Variants in ANKLE1 observed in about 807,000 individuals in gnomAD.
ANKLE1 encodes the protein structure-specific endonuclease ANKLE1.
A neutral mutation model predicts 56.2 loss-of-function variants in ANKLE1; 59 were observed. The observed-to-expected ratio is 1.05, with a 90% confidence interval of 0.85 to 1.30. The LOEUF is 1.30. Among genes scored for constraint, ANKLE1 ranks in the 50% most tolerant of loss-of-function variants. The pLI is 0.00. For missense variants in ANKLE1, 771 were observed against 816.1 expected, an observed-to-expected ratio of 0.94 and a Z score of 0.67; for synonymous variants, 341 against 352.9, an observed-to-expected ratio of 0.97 and a Z score of 0.38.
chr19:17,283,315 T>G lies in ANKLE1; in HGVS notation c.551T>G (p.Leu184Trp), dbSNP rs2363956. 814,390 of 1,613,080 alleles carry G rather than the reference T, an allele frequency of 0.5. 206,875 individuals carry two copies. Among genetic ancestry groups the G allele is most frequent in the Non-Finnish European group, 0.52 (609,014 of 1,179,734 alleles). The change falls in exon 5 of 9, where the codon TTG becomes TGG. Residue 184 changes from leucine to tryptophan, a missense_variant. Transcript: ENST00000404085. The part of the protein sequence containing the change: ...PCRGDNRDIG[L>W]EADPGPPSLP... ...AGAGGTGACAACAGGGACATTGGCTTGGAGGCTGACCCAGGACCCCCCAGC... is the reference window on the plus strand; with the variant it reads ...AGAGGTGACAACAGGGACATTGGCTGGGAGGCTGACCCAGGACCCCCCAGC...
chr19:17,286,676 G>GTGTGTGTGTGTGTGTGTT lies in ANKLE1; in HGVS notation c.*139_*140insGTTTGTGTGTGTGTGTGT, dbSNP rs2074037576. The GTGTGTGTGTGTGTGTGTT allele has an allele frequency of 1.0e-5, 12 of 1,185,098 alleles. No homozygotes were observed. Among genetic ancestry groups the GTGTGTGTGTGTGTGTGTT allele is most frequent in the Non-Finnish European group, 1.1e-5 (10 of 882,762 alleles). The allele number at this position is 1,185,098 out of a possible 1,614,324, so 73.4% of individuals were successfully genotyped here. ...TGTGTGTGTGTGTGTGTGTGTGTGT[G>GTGTGTGTGTGTGTGTGTT]TGTGTGTGTGTGTGTTTGTGTGTGT... On this transcript the variant is annotated 3_prime_UTR_variant, in exon 9 of 9. Transcript: ENST00000404085.
In ANKLE1 at chr19:17,286,753, A is replaced by T; in HGVS notation, c.*201A>T. ...CAGATCTCCCCCAGGCTGAGAGAGG[A>T]CTTTGTTACAGATGGTACTGCTGGA... On this transcript the variant is annotated 3_prime_UTR_variant, in exon 9 of 9. Transcript: ENST00000404085. 7.0e-7 allele frequency: 1 copy of T among 1,437,738 alleles called. No homozygotes were observed. The highest frequency in any genetic ancestry group is 2.7e-5 in the East Asian group (1 of 37,654). 89.1% of individuals were successfully genotyped at this position (1,437,738 alleles called of 1,614,324 possible).
rs773960105 is a variant in ANKLE1, at chr19:17,286,649, T to G, written c.*97T>G. 144 of 451,480 alleles carry G rather than the reference T, an allele frequency of 3.2e-4. 1 individual carries two copies. The highest frequency in any genetic ancestry group is 9.0e-4 in the Middle Eastern group (2 of 2,216). The allele number at this position is 451,480 out of a possible 1,614,324, so 28.0% of individuals were successfully genotyped here. ...CCCCCATCTCTGGTTTCAGAAGGGG[T>G]GTGTGTGTGTGTGTGTGTGTGTGTG... On this transcript the variant is annotated 3_prime_UTR_variant, in exon 9 of 9. Coordinates refer to ENST00000404085, the MANE Select transcript of ANKLE1 (RefSeq NM_152363.6).
Position 17,282,774 on chromosome 19 carries a change from T to C in ANKLE1, c.321+13T>C. 1 of 1,556,534 alleles carries C rather than the reference T, an allele frequency of 6.4e-7. No homozygotes were observed. Among genetic ancestry groups the C allele is most frequent in the Non-Finnish European group, 8.6e-7 (1 of 1,158,356 alleles). On this transcript the variant is annotated intron_variant, in intron 3 of 8. Transcript: ENST00000404085. ...GCTGCGCGACCAGGTTGGGAGGCAC[T>C]GCGCGGGCAAAGAAAGGCTGGGTGA...
chr19:17,282,387 G>T, intron 2 of ANKLE1, 178 bp downstream of exon 2: 1 of 1,005,838 alleles, frequency 9.9e-7, no homozygotes, highest in Non-Finnish European at 1.4e-6. Context: ...AGGCGCTGGG[G>T]TCCCAGACCG....
intron 2 of ANKLE1, 54 bp from the exon 3 acceptor site, chr19:17,282,602 G>C: frequency 6.7e-7 from 1 of 1,488,814 alleles, no homozygotes; most frequent in Non-Finnish European, 9.0e-7. Flanking sequence ...CGGAGATCGG[G>C]GTTCCTGCCG....
Position 17,282,073 on chromosome 19 carries a change from C to G in ANKLE1, c.79C>G (p.Leu27Val), listed in dbSNP as rs1225767489. 5.2e-6 allele frequency: 8 copies of G among 1,539,752 alleles called. No homozygotes were observed. The highest frequency in any genetic ancestry group is 7.0e-6 in the Non-Finnish European group (8 of 1,146,654). Residue 27 changes from leucine to valine, a missense_variant, in exon 2 of 9, where the codon CTG (leucine) becomes GTG (valine). By Grantham distance (32) the Leu-to-Val change is conservative. Coordinates refer to ENST00000404085, the MANE Select transcript of ANKLE1 (RefSeq NM_152363.6). ...TGTTTGCAGGGCAGTAGAGGAGCTGCTGCGCTGCGGCGCGGACCCTAATTT... is the reference window on the plus strand; with the variant it reads ...TGTTTGCAGGGCAGTAGAGGAGCTGGTGCGCTGCGGCGCGGACCCTAATTT... ...EEEPWAVEEL[L>V]RCGADPNLVL...
rs756250314 is a variant in ANKLE1, at chr19:17,286,664, G to GTGTGTT, written c.*117_*118insTTGTGT. 69 of 692,358 alleles carry GTGTGTT rather than the reference G, an allele frequency of 1.0e-4. 1 individual carries two copies. In the African/African-American group the frequency reaches 1.2e-3, roughly 13 times the overall value. The allele number at this position is 692,358 out of a possible 1,614,324, so 42.9% of individuals were successfully genotyped here. A position where few individuals can be genotyped will look rare whatever the true frequency, so the allele number is the denominator to read the frequency against. On this transcript the variant is annotated 3_prime_UTR_variant, in exon 9 of 9. Transcript: ENST00000404085. ...TCAGAAGGGGTGTGTGTGTGTGTGT[G>GTGTGTT]TGTGTGTGTGTGTGTGTGTGTGTGT...
At chr19:17,283,050 C>T in intron 4 of ANKLE1, 48 bp downstream of exon 4, 1 of 1,542,458 alleles carries the variant, frequency 6.5e-7, no homozygotes, top group Admixed American at 1.9e-5. Flanking sequence ...TGGACCAGTC[C>T]CTGACATCCA....
chr19:17,286,790 T>G lies in ANKLE1; in HGVS notation c.*238T>G. The G allele has an allele frequency of 7.3e-7, 1 of 1,372,662 alleles. No homozygotes were observed. Among genetic ancestry groups the G allele is most frequent in the South Asian group, 1.6e-5 (1 of 61,384 alleles). 85.0% of individuals were successfully genotyped at this position (1,372,662 alleles called of 1,614,324 possible). A position where few individuals can be genotyped will look rare whatever the true frequency, so the allele number is the denominator to read the frequency against. ...ATGGTACTGCTGGAGAGGTAGTAAG[T>G]AGTGAGCTCCCCATCGTGGGAGGAG... On this transcript the variant is annotated 3_prime_UTR_variant, in exon 9 of 9. Coordinates refer to ENST00000404085, the MANE Select transcript of ANKLE1 (RefSeq NM_152363.6).
chr19:17,286,217 G>A (rs1259774799), intron 8 of ANKLE1, among the ~76,000 whole-genome samples, 163 bp from the exon 9 acceptor site: 2 of 152,208 alleles, frequency 1.3e-5, no homozygotes, highest in African/African-American at 2.4e-5. Context: ...GTTTCACCAT[G>A]TTGGCCAGGC....
chr19:17,282,851 C>A lies in ANKLE1; in HGVS notation c.322-13C>A. The A allele has an allele frequency of 2.5e-6, 4 of 1,586,876 alleles. No individual in the cohort carries two copies. The highest frequency in any genetic ancestry group is 2.6e-6 in the Non-Finnish European group (3 of 1,172,466). On this transcript the variant is annotated splice_polypyrimidine_tract_variant and intron_variant, in intron 3 of 8. Coordinates refer to ENST00000404085, the MANE Select transcript of ANKLE1 (RefSeq NM_152363.6). ...AGGGCCTCGGGCGCCCCCTGCTGAC[C>A]GCGCCCCTGTAGGACGGACTCCGGC...
Position 17,282,076 on chromosome 19 carries a change from C to T in ANKLE1, c.82C>T (p.Arg28Cys), listed in dbSNP as rs1599507251. ...TTGCAGGGCAGTAGAGGAGCTGCTG[C>T]GCTGCGGCGCGGACCCTAATTTGGT... Reference protein sequence around the residue: ...EEPWAVEELLRCGADPNLVLE... With the variant: ...EEPWAVEELLCCGADPNLVLE... The change falls in exon 2 of 9, where the codon CGC becomes TGC. Residue 28 changes from arginine (R) to cysteine (C), a missense_variant. By Grantham distance (180) the Arg-to-Cys change is radical (BLOSUM62 -3). Transcript: ENST00000404085. The T allele has an allele frequency of 6.5e-7, 1 of 1,539,886 alleles. No individual in the cohort carries two copies. Among genetic ancestry groups the T allele is most frequent in the Non-Finnish European group, 8.7e-7 (1 of 1,146,640 alleles).
At chr19:17,282,235 G>A (rs1199222067) in intron 2 of ANKLE1, 26 bp downstream of exon 2, 2 of 1,462,764 alleles carry the variant, frequency 1.4e-6, no homozygotes, top group South Asian at 1.4e-5. Flanking sequence ...GGTCCGGGGC[G>A]GGGTCTCCCC....
At position 17,286,891 on chromosome 19, in the gene ANKLE1, A is replaced by C. The variant is rs10401700; in HGVS notation, c.*339A>C. The stretch of plus-strand genomic sequence containing the variant: ...GAGGCGTTTGAACCTGGGCAACTCC[A>C]CCTGGAATAGGAGCTGGGTAAAATG... On this transcript the variant is annotated 3_prime_UTR_variant, in exon 9 of 9. Transcript: ENST00000404085. 0.79 allele frequency: 719,990 copies of C among 908,274 alleles called. 288,556 individuals carry two copies. The highest frequency in any genetic ancestry group is 0.82 in the Non-Finnish European group (592,914 of 726,396). The allele number at this position is 908,274 out of a possible 1,614,324, so 56.3% of individuals were successfully genotyped here.
At position 17,282,192 on chromosome 19, in the gene ANKLE1, C is replaced by G. The variant is rs573229564; in HGVS notation, c.198C>G (p.Gly66=). Residue 66 remains glycine (G), a synonymous_variant, in exon 2 of 9, where the codon GGC becomes GGG. Coordinates refer to ENST00000404085, the MANE Select transcript of ANKLE1 (RefSeq NM_152363.6). ...GCCTCGGGGCCCTACTGCGCCAAGG[C>G]GGGGACCCCAACGCTCGGTAAGATA... ...LRCLGALLRQ[G]GDPNARSVEA... 1,460 of 1,518,506 alleles carry G rather than the reference C, an allele frequency of 9.6e-4. 3 individuals carry two copies. The highest frequency in any genetic ancestry group is 1.1e-3 in the Non-Finnish European group (1,288 of 1,136,932). The allele number at this position is 1,518,506 out of a possible 1,614,324, so 94.1% of individuals were successfully genotyped here.
At position 17,283,348 on chromosome 19, in the gene ANKLE1, T is replaced by A. The variant is rs753020950; in HGVS notation, c.584T>A (p.Val195Asp). 3.1e-6 allele frequency: 5 copies of A among 1,613,578 alleles called. No individual in the cohort carries two copies. The South Asian group carries it at 4.4e-5, about 14-fold the overall frequency. Residue 195 changes from valine to aspartate, a missense_variant, in exon 5 of 9, where the codon GTT (valine) becomes GAT (aspartate). Transcript: ENST00000404085. ...EADPGPPSLP[V>D]PLETVDKHGS... is the part of the protein sequence containing the mutation. Reference sequence around the variant, plus strand: ...GACCCAGGACCCCCCAGCCTCCCTGTTCCCCTTGAAACTGTGGACAAACAT... The same window carrying A: ...GACCCAGGACCCCCCAGCCTCCCTGATCCCCTTGAAACTGTGGACAAACAT...
chr19:17,286,481 C>T lies in ANKLE1; in HGVS notation c.1777C>T (p.Arg593Cys), dbSNP rs1036245711. Residue 593 changes from arginine to cysteine, a missense_variant, in exon 9 of 9, where the codon CGT becomes TGT. Coordinates refer to ENST00000404085, the MANE Select transcript of ANKLE1 (RefSeq NM_152363.6). Reference protein sequence around the residue: ...RRRLGVHLLHRALLVFLAEGE... With the variant: ...RRRLGVHLLHCALLVFLAEGE... ...GCGCTTGGGGGTGCACCTGCTGCAC[C>T]GTGCCCTCCTTGTCTTCCTGGCTGA... The T allele has an allele frequency of 5.0e-6, 8 of 1,612,596 alleles. No homozygotes were observed. The highest frequency in any genetic ancestry group is 3.3e-5 in the Admixed American group (2 of 59,928).
intron 6 of ANKLE1, among the ~76,000 whole-genome samples, chr19:17,284,718 C>G (rs545392418): frequency 8.1e-6 from 1 of 123,058 alleles, no homozygotes; most frequent in Admixed American, 9.5e-5. Flanking sequence ...CGGAGTCTCA[C>G]TGTTTCGCCC....
Sources: allele counts gnomAD v4.1 joint callset (sites outside exome capture counted in the v4.1 genomes callset), GRCh38; gene constraint gnomAD v4.1.1; transcripts MANE v1.5; gene names NCBI Gene and HGNC (gene_info 2026-07-23, HGNC 2026-07-21).